WDR1: variants seen among roughly 807,000 people sequenced by gnomAD.
The protein encoded by WDR1 is WD repeat-containing protein 1.
Under a neutral mutation model 71.9 loss-of-function variants are expected in WDR1, and 21 were observed. The observed-to-expected ratio is 0.29, with a 90% CI of 0.21 to 0.42. The LOEUF (loss-of-function observed/expected upper bound fraction) is 0.42, where lower values mean the gene tolerates loss of function less well. Ranked by LOEUF, WDR1 falls within the 10% of genes least tolerant of loss-of-function variation. The pLI, the probability that WDR1 is intolerant of heterozygous loss-of-function variation, is 1.00. For synonymous variants in WDR1, 424 were observed against 347.4 expected (o/e 1.22, Z -2.45); for missense variants, 696 against 824.5 (o/e 0.84, Z 1.91).
At chr4:10,087,961 T>C in intron 7 of WDR1, 21 bp from the exon 8 acceptor site, 1 of 1,541,756 alleles carries the variant, frequency 6.5e-7, no homozygotes, top group Non-Finnish European at 8.8e-7. Flanking sequence ...AAAAGCAGTG[T>C]GTCATGTGCC....
At chr4:10,105,622 G>C (rs1386054590) in intron 2 of WDR1, among the ~76,000 whole-genome samples, 1 of 152,200 alleles carries the variant, frequency 6.6e-6, no homozygotes, top group Non-Finnish European at 1.5e-5. Context: ...ACATCACCAA[G>C]TGCTGGCAAG....
intron 3 of WDR1, among the ~76,000 whole-genome samples, chr4:10,099,540 T>C (rs1221495306): frequency 6.6e-6 from 1 of 152,260 alleles, no homozygotes; most frequent in Non-Finnish European, 1.5e-5. Flanking sequence ...GAATGACGTG[T>C]GGGCCTCAGG....
At chr4:10,102,217 C>G (rs1712721362) in intron 3 of WDR1, among the ~76,000 whole-genome samples, 1 of 152,218 alleles carries the variant, frequency 6.6e-6, no homozygotes, top group South Asian at 2.1e-4. Context: ...CTGGCTCCTT[C>G]ACACCCTAAG....
At chr4:10,094,503 G>T (rs1039535236) in intron 5 of WDR1, among the ~76,000 whole-genome samples, 1 of 152,228 alleles carries the variant, frequency 6.6e-6, no homozygotes, top group Non-Finnish European at 1.5e-5. Context: ...TGAGATGGGG[G>T]AAGGCAGGGA....
At chr4:10,102,610 A>T (rs1389011708) in intron 3 of WDR1, among the ~76,000 whole-genome samples, 2 of 152,220 alleles carry the variant, frequency 1.3e-5, no homozygotes, top group African/African-American at 4.8e-5. Context: ...CTATGAGCCA[A>T]TACATTTGTG....
rs180976524 is a variant in WDR1, at chr4:10,102,587, C to T, written c.229+1309G>A. ...GCAACGGCCCCTGCTGTCCAACTGC[C>T]CAGCCCCAAGAACTATGAGCCAATA... On this transcript the variant is annotated intron_variant, in intron 3 of 14. Coordinates refer to ENST00000499869, the MANE Select transcript of WDR1 (RefSeq NM_017491.5). Among the ~76,000 whole-genome samples, 21 of 152,308 alleles carry T rather than the reference C, an allele frequency of 1.4e-4. No individual in the cohort carries two copies. The East Asian group carries it at 3.9e-3, about 28-fold the overall frequency.
intron 8 of WDR1, among the ~76,000 whole-genome samples, 164 bp downstream of exon 8, chr4:10,087,543 C>T (rs1711663647): frequency 6.6e-6 from 1 of 152,254 alleles, no homozygotes; most frequent in African/African-American, 2.4e-5. Context: ...CCCAAGAAAG[C>T]AACCAGCATC....
chr4:10,112,920 T>C (rs1224876506), intron 2 of WDR1, among the ~76,000 whole-genome samples: 3 of 152,254 alleles, frequency 2.0e-5, no homozygotes, highest in South Asian at 2.1e-4. Context: ...CAGATACCTA[T>C]GTACACTTGT....
chr4:10,111,191 C>T lies in WDR1; in HGVS notation c.138+4922G>A, dbSNP rs139791801. The stretch of plus-strand genomic sequence containing the variant: ...CAGTGGCCTTCAGAGCAGGGCTGCG[C>T]TATGGTAGGGCTGTGTGAGCCACCT... On this transcript the variant is annotated intron_variant, in intron 2 of 14. Coordinates refer to ENST00000499869, the MANE Select transcript of WDR1 (RefSeq NM_017491.5). Among the ~76,000 whole-genome samples, 802 of 152,342 alleles carry T rather than the reference C, an allele frequency of 5.3e-3. 7 individuals are homozygous for T. Among genetic ancestry groups the T allele is most frequent in the Middle Eastern group, 0.02 (6 of 294 alleles).
intron 1 of WDR1, 44 bp downstream of exon 1, chr4:10,116,607 G>T (rs1159414393): frequency 1.7e-6 from 2 of 1,191,520 alleles, no homozygotes; most frequent in Non-Finnish European, 2.1e-6. Flanking sequence ...CCGGGGCCGG[G>T]GCAGCGCGGC....
In WDR1 at chr4:10,081,434, C is replaced by T. The variant is rs539736116; in HGVS notation, c.1207G>A (p.Val403Ile). 15 of 1,613,900 alleles carry T rather than the reference C, an allele frequency of 9.3e-6. No individual in the cohort carries two copies. The highest frequency in any genetic ancestry group is 8.8e-5 in the South Asian group (8 of 91,074). ...LMLRDYSGQG[V>I]VKLDVQPKCV... ...TTTGGCTGAACGTCCAGTTTCACAA[C>T]TCCTTGTCCGCTGTTAGAGAGAAAG... The change falls in exon 11 of 15, where the codon GTT becomes ATT. Residue 403 changes from valine (V) to isoleucine (I), a missense_variant. Val to Ile is a conservative substitution (Grantham distance 29, BLOSUM62 3). Transcript: ENST00000499869.
intron 5 of WDR1, chr4:10,092,838 G>C (rs953162226): frequency 2.5e-5 from 9 of 366,700 alleles, no homozygotes; most frequent in Non-Finnish European, 3.9e-5. Context: ...GCCCTCACCG[G>C]CCCCCTGCCT....
In WDR1 at chr4:10,104,001, C is replaced by A. The variant is rs768210288; in HGVS notation, c.139-15G>T. ...AGGGCTGGGTTCTGCAGGAGGAGACCCCGGAATGAACAGAAGGAATGGAGA... is the reference window on the plus strand; with the variant it reads ...AGGGCTGGGTTCTGCAGGAGGAGACACCGGAATGAACAGAAGGAATGGAGA... On this transcript the variant is annotated splice_polypyrimidine_tract_variant and intron_variant, in intron 2 of 14. Coordinates refer to ENST00000499869, the MANE Select transcript of WDR1 (RefSeq NM_017491.5). 2.3e-5 allele frequency: 36 copies of A among 1,583,634 alleles called. No individual in the cohort carries two copies. The South Asian group carries it at 2.5e-4, about 11-fold the overall frequency.
At chr4:10,078,340 G>T (rs550679957) in intron 12 of WDR1, among the ~76,000 whole-genome samples, 4 of 152,298 alleles carry the variant, frequency 2.6e-5, no homozygotes, top group Admixed American at 6.5e-5. Context: ...CTTCTACAGA[G>T]CACTCAGGAC....
At position 10,087,913 on chromosome 4, in the gene WDR1, A is replaced by G; in HGVS notation, c.745T>C (p.Leu249=). 6.4e-7 allele frequency: 1 copy of G among 1,558,366 alleles called. No homozygotes were observed. Among genetic ancestry groups the G allele is most frequent in the Non-Finnish European group, 8.7e-7 (1 of 1,150,274 alleles). Reference sequence around the variant, plus strand: ...GTTTTGTCCCCAGAAGCAGAAAGCAAATGGGTGCTGTCGGGACTCCAACTA... The same window carrying G: ...GTTTTGTCCCCAGAAGCAGAAAGCAGATGGGTGCTGTCGGGACTCCAACTA... ...AISWSPDSTH[L]LSASGDKTSK... Residue 249 remains leucine, a synonymous_variant, in exon 8 of 15, where the codon TTG becomes CTG. Coordinates refer to ENST00000499869, the MANE Select transcript of WDR1 (RefSeq NM_017491.5).
chr4:10,109,985 C>A (rs1250443616), intron 2 of WDR1, among the ~76,000 whole-genome samples: 3 of 152,142 alleles, frequency 2.0e-5, no homozygotes, highest in African/African-American at 7.2e-5. Flanking sequence ...CTCTCGCAGG[C>A]ATGGAAACAG....
In WDR1 at chr4:10,075,279, G is replaced by A. The variant is rs1001395311; in HGVS notation, c.*99C>T. The A allele has an allele frequency of 3.8e-6, 4 of 1,054,848 alleles. No homozygotes were observed. In the South Asian group the frequency reaches 5.7e-5, roughly 15 times the overall value. 65.3% of individuals were successfully genotyped at this position (1,054,848 alleles called of 1,614,324 possible). A position where few individuals can be genotyped will look rare whatever the true frequency, so the allele number is the denominator to read the frequency against. On this transcript the variant is annotated 3_prime_UTR_variant, in exon 15 of 15. Coordinates refer to ENST00000499869, the MANE Select transcript of WDR1 (RefSeq NM_017491.5). ...CTCCTGCCTCTTGTGGTGGGGTGGG[G>A]GCATGGGGGCGCGTCACAGAAATAG...
Position 10,110,793 on chromosome 4 carries a change from G to A in WDR1, c.138+5320C>T, listed in dbSNP as rs538073105. On this transcript the variant is annotated intron_variant, in intron 2 of 14. Transcript: ENST00000499869. ...GCTGGACAGTTCTTTGTGGAAGGAC[G>A]GCCATGTACCTTGTCGGATGTTTGG... Among the ~76,000 whole-genome samples the A allele has an allele frequency of 3.9e-5, 6 of 152,290 alleles. No homozygotes were observed. In the South Asian group the frequency reaches 6.2e-4, roughly 16 times the overall value.
chr4:10,112,026 C>T (rs1297492854), intron 2 of WDR1, among the ~76,000 whole-genome samples: 2 of 151,980 alleles, frequency 1.3e-5, no homozygotes, highest in East Asian at 3.8e-4. Flanking sequence ...CCTGGCAGCA[C>T]ACAAGAGGGC....
Sources: gnomAD v4.1 joint callset for allele counts (sites outside exome capture counted in the v4.1 genomes callset) on GRCh38, gnomAD v4.1.1 for gene constraint, MANE v1.5 for transcripts, NCBI Gene and HGNC (gene_info 2026-07-23, HGNC 2026-07-21) for gene names.